Variants in MAPK10 observed in about 807,000 individuals in gnomAD.
MAPK10 encodes JNK3 alpha protein kinase.
MAPK10 carries 25 observed loss-of-function variants against 59.3 expected under a neutral mutation model. The ratio of observed to expected loss-of-function variants is 0.42; its 90% CI spans 0.31 to 0.59. The LOEUF (loss-of-function observed/expected upper bound fraction) is 0.59, where lower values mean the gene tolerates loss of function less well. Among genes scored for constraint, MAPK10 ranks in the 20% least tolerant of loss-of-function variants. The pLI is 0.15. For missense variants in MAPK10, 351 were observed against 568.9 expected (o/e 0.62, Z 3.90); for synonymous variants, 190 against 200.5 (o/e 0.95, Z 0.44).
At chr4:86,439,661 A>T (rs1378754428) in intron 1 of MAPK10, among the ~76,000 whole-genome samples, 2 of 152,198 alleles carry the variant, frequency 1.3e-5, no homozygotes, top group African/African-American at 4.8e-5. Flanking sequence ...TGTTAAAGAA[A>T]CTGTCAGACG....
At chr4:86,191,050 T>C (rs1046977729) in intron 3 of MAPK10, among the ~76,000 whole-genome samples, 2 of 152,194 alleles carry the variant, frequency 1.3e-5, no homozygotes, top group African/African-American at 4.8e-5. Context: ...TGTAGTTCTG[T>C]GGTTTTGAGT....
chr4:86,571,632 T>C (rs1761461958), intron 1 of MAPK10, among the ~76,000 whole-genome samples: 1 of 152,050 alleles, frequency 6.6e-6, no homozygotes, highest in South Asian at 2.1e-4. Flanking sequence ...AACTAATTCA[T>C]TCCTGAAAAG....
chr4:86,115,062 C>T (rs183483883), intron 4 of MAPK10, among the ~76,000 whole-genome samples: 1 of 152,344 alleles, frequency 6.6e-6, no homozygotes, highest in East Asian at 1.9e-4. Context: ...GTGATGGTGA[C>T]TGGCCACCCC....
At chr4:86,282,998 A>T (rs1353090780) in intron 2 of MAPK10, among the ~76,000 whole-genome samples, 1 of 152,156 alleles carries the variant, frequency 6.6e-6, no homozygotes, top group African/African-American at 2.4e-5. Flanking sequence ...CCTCTTTTTC[A>T]TCTCCTTAGC....
chr4:86,140,815 T>C (rs996363622), intron 4 of MAPK10, among the ~76,000 whole-genome samples: 12 of 152,182 alleles, frequency 7.9e-5, no homozygotes, highest in Non-Finnish European at 1.6e-4. Flanking sequence ...GCATAACTAT[T>C]GGCTGCTAGA....
At chr4:86,069,752 A>C (rs910463931) in intron 9 of MAPK10, among the ~76,000 whole-genome samples, 1 of 152,128 alleles carries the variant, frequency 6.6e-6, no homozygotes, top group African/African-American at 2.4e-5. Flanking sequence ...CTCGATGTCA[A>C]ACTTAAAATA....
At chr4:86,466,701 G>T (rs1385866737) in intron 1 of MAPK10, among the ~76,000 whole-genome samples, 2 of 152,114 alleles carry the variant, frequency 1.3e-5, no homozygotes. Context: ...ATGGCATTTG[G>T]TTAGGGAATT....
At position 86,067,803 on chromosome 4, in the gene MAPK10, G is replaced by C. The variant is rs1387264041; in HGVS notation, c.955C>G (p.Pro319Ala). The C allele has an allele frequency of 6.2e-7, 1 of 1,613,508 alleles. No homozygotes were observed. The highest frequency in any genetic ancestry group is 1.7e-5 in the Admixed American group (1 of 59,960). The change falls in exon 10 of 14, where the codon CCA becomes GCA. Residue 319 changes from proline (P) to alanine (A), a missense_variant. Physicochemically the swap from Pro to Ala is conservative, Grantham distance 27. Coordinates refer to ENST00000641462, the MANE Select transcript of MAPK10 (RefSeq NM_138982.4). ...FPKLFPDSLF[P>A]ADSEHNKLKA... ...AGTTTATTGTGCTCGGAGTCCGCTG[G>C]GAAGAGGGAATCTGGGAAGAGTTTG...
intron 2 of MAPK10, among the ~76,000 whole-genome samples, chr4:86,321,266 C>A (rs1295936463): frequency 6.6e-6 from 1 of 151,936 alleles, no homozygotes; most frequent in East Asian, 1.9e-4. Flanking sequence ...AATCATGCTG[C>A]TATAAAGACA....
At chr4:86,183,559 T>G (rs1264811513) in intron 3 of MAPK10, among the ~76,000 whole-genome samples, 1 of 152,080 alleles carries the variant, frequency 6.6e-6, no homozygotes, top group Non-Finnish European at 1.5e-5. Flanking sequence ...TTTGGGTTGG[T>G]TCCAAGTCTT....
rs67303972 is a variant in MAPK10 at position 86,581,899 on chromosome 4, TTATATATATATATATATATATATA to T, written c.-263+11987_-263+12010del. 1.1e-3 allele frequency among the ~76,000 whole-genome samples: 97 copies of T among 91,586 alleles called. 1 individual carries two copies. The highest frequency in any genetic ancestry group is 3.8e-3 in the South Asian group (11 of 2,924). 60.1% of individuals were successfully genotyped at this position (91,586 alleles called of 152,430 possible). On this transcript the variant is annotated intron_variant, in intron 1 of 4. Coordinates refer to the MAPK10 transcript ENST00000502302. ...AGTAAAACACTTTAAGCTATATATATTATATATATATATATATATATATATATATATATATATATATATATATAT... is the reference window on the plus strand; with the variant it reads ...AGTAAAACACTTTAAGCTATATATATTATATATATATATATATATATATAT...
At chr4:86,290,822 A>C (rs1247058069) in intron 2 of MAPK10, among the ~76,000 whole-genome samples, 1 of 152,196 alleles carries the variant, frequency 6.6e-6, no homozygotes. Flanking sequence ...ACCTCTGGCC[A>C]TAGACTTATC....
intron 2 of MAPK10, among the ~76,000 whole-genome samples, chr4:86,276,050 T>C (rs2094566570): frequency 6.6e-6 from 1 of 152,136 alleles, no homozygotes; most frequent in Non-Finnish European, 1.5e-5. Context: ...ATACTTTTGA[T>C]CTTCACTGTG....
chr4:86,092,007 T>C (rs1419287067), intron 9 of MAPK10, among the ~76,000 whole-genome samples: 1 of 152,074 alleles, frequency 6.6e-6, no homozygotes, highest in Non-Finnish European at 1.5e-5. Flanking sequence ...TAATAACTGG[T>C]ATATCTCACA....
Position 86,017,265 on chromosome 4 carries a change from A to C in MAPK10, c.1358T>G (p.Leu453Arg). ...QTLASDTDSS[L>R]EASAGPLGCC... ...ACCCAGGGGTCCTGCCGAGGCTTCC[A>C]GGCTGCTGTCAGTGTCAGATGCCAG... The change falls in exon 14 of 14, where the codon CTG becomes CGG. Residue 453 changes from leucine (L) to arginine (R), a missense_variant. By Grantham distance (102) the Leu-to-Arg change is moderately radical (BLOSUM62 -2). This residue lies in a region of MAPK10 where 155 missense variants were observed against 204.2 expected (regional missense o/e 0.76). Transcript: ENST00000641462. The surrounding 1 kb of genome is among the most constrained non-coding windows in gnomAD (Gnocchi z 4.4). 6.2e-7 allele frequency: 1 copy of C among 1,614,156 alleles called. No homozygotes were observed. Among genetic ancestry groups the C allele is most frequent in the Non-Finnish European group, 8.5e-7 (1 of 1,180,008 alleles).
At chr4:86,426,628 A>G (rs912138584) in intron 1 of MAPK10, among the ~76,000 whole-genome samples, 1 of 152,230 alleles carries the variant, frequency 6.6e-6, no homozygotes, top group Non-Finnish European at 1.5e-5. Flanking sequence ...AAGTACCTGA[A>G]AAACACATCA....
At chr4:86,334,359 C>T (rs189257427) in intron 2 of MAPK10, among the ~76,000 whole-genome samples, 206 of 152,268 alleles carry the variant, frequency 1.4e-3, no homozygotes, top group Non-Finnish European at 1.9e-3. Flanking sequence ...CCTGGACCAC[C>T]TTGTACCTTC....
At chr4:86,444,182 G>A (rs1046422292) in intron 1 of MAPK10, among the ~76,000 whole-genome samples, 5 of 152,116 alleles carry the variant, frequency 3.3e-5, no homozygotes, top group African/African-American at 1.2e-4. Context: ...AATGCCTGAA[G>A]ATTTCCCCAA....
At chr4:86,515,904 T>C (rs1437902269) in intron 1 of MAPK10, among the ~76,000 whole-genome samples, 2 of 152,044 alleles carry the variant, frequency 1.3e-5, no homozygotes, top group African/African-American at 4.8e-5. Context: ...TTGTTTTGTT[T>C]TTGTTTTTGT....
Sources: gnomAD v4.1 joint callset for allele counts (sites outside exome capture counted in the v4.1 genomes callset) on GRCh38, gnomAD v4.1.1 for gene constraint, gnomAD v4.1.1 regional missense constraint, Gnocchi (gnomAD v3.1) non-coding constraint, MANE v1.5 for transcripts, NCBI Gene and HGNC (gene_info 2026-07-23, HGNC 2026-07-21) for gene names.